The following GNE variants were observed in gnomAD, a reference collection of about 807,000 sequenced individuals.
GNE encodes the protein glucosamine (UDP-N-acetyl)-2-epimerase/N-acetylmannosamine kinase.
GNE carries 41 observed loss-of-function variants against 61.8 expected under a neutral mutation model. The observed-to-expected ratio is 0.66, with a 90% CI of 0.52 to 0.86. The LOEUF (loss-of-function observed/expected upper bound fraction) is 0.86. Ranked by LOEUF, GNE falls within the 40% of genes least tolerant of loss-of-function variation. GNE has a pLI of 0.00. For missense variants in GNE, 608 were observed against 909.1 expected (o/e 0.67, Z 4.26); for synonymous variants, 264 against 326.4 (o/e 0.81, Z 2.06).
At chr9:36,257,040 C>T (rs1326186576) in intron 1 of GNE, among the ~76,000 whole-genome samples, 1 of 152,104 alleles carries the variant, frequency 6.6e-6, no homozygotes, top group Non-Finnish European at 1.5e-5. Context: ...CCCGTCTCTA[C>T]TAAAAATACA....
At chr9:36,232,342 C>G (rs552387970) in intron 5 of GNE, among the ~76,000 whole-genome samples, 29 of 108,266 alleles carry the variant, frequency 2.7e-4, no homozygotes, top group Admixed American at 3.6e-4. Context: ...CCCCGCCCCC[C>G]CTCCCGACAT....
intron 1 of GNE, chr9:36,267,682 T>C (rs1830856823): frequency 6.6e-6 from 1 of 151,790 alleles, no homozygotes; most frequent in South Asian, 2.1e-4. Context: ...GGTGACAGAG[T>C]GAGACTGTCT....
chr9:36,241,615 C>T (rs905210363), intron 3 of GNE, among the ~76,000 whole-genome samples: 1 of 152,142 alleles, frequency 6.6e-6, no homozygotes, highest in Non-Finnish European at 1.5e-5. Context: ...AATTCAGCAG[C>T]CTCAGCCCTT....
intron 3 of GNE, among the ~76,000 whole-genome samples, chr9:36,245,172 G>A (rs924715551): frequency 3.3e-5 from 5 of 151,852 alleles, no homozygotes; most frequent in East Asian, 1.9e-4. Flanking sequence ...GTTGAGGCAG[G>A]AGAATCGCTT....
At position 36,218,084 on chromosome 9, in the gene GNE, CT is replaced by C. The variant is rs371206506; in HGVS notation, c.1933+98del. ...CCTCTGAACAGACACTGCAAAGCAC[CT>C]GTCCCTAGGGAAGCAGGGTCTCTTC... On this transcript the variant is annotated intron_variant, in intron 11 of 11. Transcript: ENST00000642385. The surrounding 1 kb of genome is among the most constrained non-coding windows in gnomAD (Gnocchi z 4.1). 1,304 of 825,150 alleles carry C rather than the reference CT, an allele frequency of 1.6e-3. 12 individuals are homozygous for C. The African/African-American group carries it at 0.018, about 11-fold the overall frequency. 51.1% of individuals were successfully genotyped at this position (825,150 alleles called of 1,614,324 possible).
chr9:36,267,333 A>G lies in GNE; in HGVS notation c.51+9561T>C, dbSNP rs949075219. Among the ~76,000 whole-genome samples the G allele has an allele frequency of 3.3e-5, 5 of 152,328 alleles. No individual in the cohort carries two copies. The South Asian group carries it at 6.2e-4, about 19-fold the overall frequency. ...CCATCCCTATGCTCCTTTGCCAATC[A>G]TAGAAGAAAGGTACAAATTAACATA... On this transcript the variant is annotated intron_variant, in intron 1 of 11. Transcript: ENST00000396594.
In GNE at chr9:36,258,336, G is replaced by A; in HGVS notation, c.-58C>T. 3.0e-6 allele frequency: 3 copies of A among 985,414 alleles called. No homozygotes were observed. The highest frequency in any genetic ancestry group is 9.4e-5 in the South Asian group (2 of 21,280). 61.0% of individuals were successfully genotyped at this position (985,414 alleles called of 1,614,324 possible). The stretch of plus-strand genomic sequence containing the variant: ...CGGCTCTCACCAGACGCCGTCAGAG[G>A]CTCCCTCCCACGCCGCCACCGCGCT... On this transcript the variant is annotated 5_prime_UTR_variant, in exon 1 of 12. Coordinates refer to ENST00000642385, the MANE Select transcript of GNE (RefSeq NM_005476.7).
chr9:36,270,651 G>C (rs552886047), intron 1 of GNE, among the ~76,000 whole-genome samples: 70 of 152,052 alleles, frequency 4.6e-4, no homozygotes, highest in African/African-American at 1.7e-3. Context: ...CCGAGTAGCT[G>C]GGACTGCAGG....
rs1003185564 is a variant in GNE, at chr9:36,274,608, A to C, written c.51+2286T>G. On this transcript the variant is annotated intron_variant, in intron 1 of 11. Transcript: ENST00000396594. ...TGCCTACTTCCAACTTCTCTGACTC[A>C]TACTTTCTCAAACTCCTAAATAAAA... is the stretch of plus-strand genomic sequence containing the variant. Among the ~76,000 whole-genome samples the C allele has an allele frequency of 4.6e-5, 7 of 152,082 alleles. No individual in the cohort carries two copies. In the South Asian group the frequency reaches 1.5e-3, roughly 32 times the overall value.
intron 1 of GNE, among the ~76,000 whole-genome samples, chr9:36,254,614 A>G (rs767231309): frequency 2.6e-4 from 39 of 152,132 alleles, no homozygotes; most frequent in Admixed American, 8.5e-4. Context: ...CAGTACTTAC[A>G]ATGGACAGTC....
At chr9:36,258,710 C>T (rs1830504451), upstream of GNE, among the ~76,000 whole-genome samples, 1 of 152,250 alleles carries the variant, frequency 6.6e-6, no homozygotes, top group Non-Finnish European at 1.5e-5. Flanking sequence ...GCGTCCTCCT[C>T]CACTGGCGAC....
upstream of GNE, chr9:36,263,391 A>C: frequency 5.9e-6 from 1 of 168,326 alleles, no homozygotes; most frequent in South Asian, 1.1e-4. Context: ...GGCTGGTCTC[A>C]AAATTCTGAC....
At chr9:36,276,931 C>G (rs1388947312) in exon 1 of GNE, 1 of 1,612,934 alleles carries the variant, frequency 6.2e-7, no homozygotes, top group Non-Finnish European at 8.5e-7. Context: ...CTGCAGATAA[C>G]CATAGGTTTC....
At chr9:36,251,235 C>T (rs1280423150) in intron 1 of GNE, among the ~76,000 whole-genome samples, 1 of 152,132 alleles carries the variant, frequency 6.6e-6, no homozygotes, top group Non-Finnish European at 1.5e-5. Context: ...ACCTCAGGTC[C>T]TCCTCCCCCA....
chr9:36,223,267 C>T, intron 8 of GNE, 106 bp downstream of exon 8: 1 of 1,091,448 alleles, frequency 9.2e-7, no homozygotes, highest in South Asian at 1.3e-5. Flanking sequence ...CTAGAGCCAT[C>T]TATGCACAGG....
At chr9:36,262,395 C>G (rs1830640363), upstream of GNE, among the ~76,000 whole-genome samples, 1 of 152,062 alleles carries the variant, frequency 6.6e-6, no homozygotes, top group East Asian at 1.9e-4. Context: ...AGCAAGGACC[C>G]TTAGGAGGCA....
intron 2 of GNE, 148 bp from the exon 3 acceptor site, chr9:36,246,630 A>G: frequency 1.8e-6 from 1 of 562,920 alleles, no homozygotes. Flanking sequence ...AAAAGCATAG[A>G]CCATAAGTGT....
intron 5 of GNE, among the ~76,000 whole-genome samples, chr9:36,231,044 T>C (rs1178814999): frequency 3.3e-4 from 39 of 118,710 alleles, no homozygotes; most frequent in Admixed American, 1.8e-3. Flanking sequence ...AACCAGTTCC[T>C]CCTCCCCCAG....
intron 1 of GNE, 95 bp downstream of exon 1, chr9:36,258,226 G>C: frequency 2.9e-6 from 2 of 689,756 alleles, no homozygotes; most frequent in Non-Finnish European, 3.6e-6. Context: ...GAAAGCGGCC[G>C]GGGAGGGGAG....
Sources: allele counts gnomAD v4.1 joint callset (sites outside exome capture counted in the v4.1 genomes callset), GRCh38; gene constraint gnomAD v4.1.1; non-coding constraint Gnocchi (gnomAD v3.1); transcripts MANE v1.5; gene names NCBI Gene and HGNC (gene_info 2026-07-23, HGNC 2026-07-21).